Variants in PLXDC2 observed in about 807,000 individuals in gnomAD.
PLXDC2 encodes plexin domain containing 2, also known as plexin domain-containing protein 2.
PLXDC2 carries 40 observed loss-of-function variants against 68.9 expected under a neutral mutation model. The ratio of observed to expected loss-of-function variants is 0.58; its 90% CI spans 0.45 to 0.76. The LOEUF (loss-of-function observed/expected upper bound fraction) is 0.76. PLXDC2 is among the 30% of genes least tolerant of loss of function. The pLI is 0.00. For synonymous variants in PLXDC2, 243 were observed against 234.2 expected, an observed-to-expected ratio of 1.04 and a Z score of -0.34; for missense variants, 644 against 661.9, an observed-to-expected ratio of 0.97 and a Z score of 0.30.
chr10:20,181,368 A>C (rs1488712418), intron 9 of PLXDC2, among the ~76,000 whole-genome samples: 1 of 152,188 alleles, frequency 6.6e-6, no homozygotes, highest in South Asian at 2.1e-4. Context: ...TTTAATCAAA[A>C]CCATAACTCT....
At chr10:20,140,403 A>ATAT (rs869307326) in intron 4 of PLXDC2, among the ~76,000 whole-genome samples, 5 of 22,792 alleles carry the variant, frequency 2.2e-4, no homozygotes, top group East Asian at 1.6e-3. Flanking sequence ...TATATATATA[A>ATAT]AATATCTATC....
chr10:20,033,272 A>G (rs1211557959), intron 2 of PLXDC2, among the ~76,000 whole-genome samples: 1 of 152,158 alleles, frequency 6.6e-6, no homozygotes, highest in Non-Finnish European at 1.5e-5. Flanking sequence ...GGTAGATGGC[A>G]GGGATTGAGG....
chr10:20,182,997 T>C (rs112716128), intron 9 of PLXDC2, among the ~76,000 whole-genome samples: 7 of 152,060 alleles, frequency 4.6e-5, no homozygotes, highest in African/African-American at 1.7e-4. Context: ...GTGAAGTAGA[T>C]GGGAAAAAGA....
rs1372997396 is a variant in PLXDC2, at chr10:20,179,508, G to GA, written c.1061+2107dup. ...TCAATGCTAAAACCAGGAAAGTCCA[G>GA]AAAAAAAACAAGGACCATTTGACCC... On this transcript the variant is annotated intron_variant, in intron 9 of 13. Transcript: ENST00000377252. Among the ~76,000 whole-genome samples the GA allele has an allele frequency of 5.9e-5, 9 of 151,418 alleles. No homozygotes were observed. In the East Asian group the frequency reaches 1.2e-3, roughly 20 times the overall value.
At chr10:19,850,381 A>G (rs1200653360) in intron 1 of PLXDC2, among the ~76,000 whole-genome samples, 1 of 151,902 alleles carries the variant, frequency 6.6e-6, no homozygotes, top group African/African-American at 2.4e-5. Context: ...TACTTCCTTT[A>G]GTAAAAGTCT....
chr10:20,132,357 T>G (rs1457599556), intron 4 of PLXDC2, among the ~76,000 whole-genome samples: 1 of 152,190 alleles, frequency 6.6e-6, no homozygotes, highest in Admixed American at 6.5e-5. Flanking sequence ...CTCTGTTAAA[T>G]TCATTTGGTC....
intron 4 of PLXDC2, among the ~76,000 whole-genome samples, chr10:20,105,519 G>A (rs1422885899): frequency 6.6e-6 from 1 of 152,184 alleles, no homozygotes; most frequent in Non-Finnish European, 1.5e-5. Flanking sequence ...CAAGCATTGT[G>A]CAATTCAGTT....
intron 4 of PLXDC2, among the ~76,000 whole-genome samples, chr10:20,109,041 AC>A (rs1460333277): frequency 1.3e-5 from 2 of 152,198 alleles, no homozygotes; most frequent in African/African-American, 4.8e-5. Context: ...CTTGCCTAAT[AC>A]TGGGACAATA....
intron 4 of PLXDC2, among the ~76,000 whole-genome samples, chr10:20,130,202 G>A (rs935447690): frequency 2.0e-5 from 3 of 151,826 alleles, no homozygotes; most frequent in African/African-American, 7.3e-5. Flanking sequence ...TTTCACCAAT[G>A]CTTCAGTTTA....
At chr10:20,022,091 G>A (rs190041933) in intron 2 of PLXDC2, among the ~76,000 whole-genome samples, 25 of 152,294 alleles carry the variant, frequency 1.6e-4, no homozygotes, top group Admixed American at 1.0e-3. Context: ...CAGCAGACTA[G>A]CAATGATACC....
At chr10:20,035,146 C>T (rs938670548) in intron 2 of PLXDC2, among the ~76,000 whole-genome samples, 7 of 152,006 alleles carry the variant, frequency 4.6e-5, no homozygotes, top group African/African-American at 7.2e-5. Context: ...AATAGAGGCT[C>T]GGAAAGTTAT....
intron 6 of PLXDC2, among the ~76,000 whole-genome samples, chr10:20,150,040 G>A (rs1326621262): frequency 1.3e-5 from 2 of 151,966 alleles, no homozygotes; most frequent in African/African-American, 2.4e-5. Context: ...CCCCATCATC[G>A]ACATACCCCA....
At chr10:20,018,462 A>C (rs1258794251) in intron 2 of PLXDC2, among the ~76,000 whole-genome samples, 6 of 152,218 alleles carry the variant, frequency 3.9e-5, no homozygotes, top group Non-Finnish European at 7.4e-5. Flanking sequence ...AATGGAAGAT[A>C]GTTTTAGAGC....
At chr10:20,263,652 T>C (rs898667192) in intron 13 of PLXDC2, among the ~76,000 whole-genome samples, 5 of 152,094 alleles carry the variant, frequency 3.3e-5, no homozygotes, top group African/African-American at 1.2e-4. Context: ...CATTAAAAAG[T>C]GGGCAAAGTG....
chr10:20,006,275 A>G (rs989391482), intron 2 of PLXDC2, among the ~76,000 whole-genome samples: 1 of 152,134 alleles, frequency 6.6e-6, no homozygotes, highest in Non-Finnish European at 1.5e-5. Context: ...TAAGAAAGAA[A>G]CCAAATGGTT....
At chr10:20,016,553 A>G (rs1296705134) in intron 2 of PLXDC2, among the ~76,000 whole-genome samples, 1 of 152,240 alleles carries the variant, frequency 6.6e-6, no homozygotes, top group African/African-American at 2.4e-5. Flanking sequence ...GCAAAAGAAT[A>G]CACTGAAGAA....
At chr10:20,204,734 T>A (rs1457753599) in intron 9 of PLXDC2, among the ~76,000 whole-genome samples, 2 of 152,194 alleles carry the variant, frequency 1.3e-5, no homozygotes, top group African/African-American at 4.8e-5. Flanking sequence ...CCACACCCAA[T>A]GTGTTTACAC....
chr10:20,195,720 T>A (rs1466578416), intron 9 of PLXDC2, among the ~76,000 whole-genome samples: 1 of 152,094 alleles, frequency 6.6e-6, no homozygotes, highest in East Asian at 1.9e-4. Flanking sequence ...AATTGCCTCA[T>A]CTAAAATAAT....
intron 4 of PLXDC2, among the ~76,000 whole-genome samples, chr10:20,118,604 C>T (rs1314813664): frequency 6.6e-6 from 1 of 152,068 alleles, no homozygotes; most frequent in South Asian, 2.1e-4. Flanking sequence ...AATCCAAAAC[C>T]GGTCCCAGGA....
Sources: gnomAD v4.1 joint callset for allele counts (sites outside exome capture counted in the v4.1 genomes callset) on GRCh38, gnomAD v4.1.1 for gene constraint, MANE v1.5 for transcripts, NCBI Gene and HGNC (gene_info 2026-07-23, HGNC 2026-07-21) for gene names.